ADD2: variants seen among roughly 807,000 people sequenced by gnomAD.
ADD2 encodes the protein beta-adducin.
In ADD2, 23 loss-of-function variants were observed where a neutral mutation model predicts 83.0. The observed-to-expected ratio is 0.28, with a 90% CI of 0.20 to 0.39. The LOEUF is 0.39. Ranked by LOEUF, ADD2 falls within the 10% of genes least tolerant of loss-of-function variation. The pLI is 1.00. For missense variants in ADD2, 758 were observed against 944.9 expected, an observed-to-expected ratio of 0.80 and a Z score of 2.59; for synonymous variants, 375 against 375.4, an observed-to-expected ratio of 1.00 and a Z score of 0.01.
chr2:70,706,494 T>G lies in ADD2; in HGVS notation c.-34-52A>C. 1.4e-6 allele frequency: 2 copies of G among 1,473,888 alleles called. No homozygotes were observed. Among genetic ancestry groups the G allele is most frequent in the Non-Finnish European group, 1.8e-6 (2 of 1,097,510 alleles). 91.3% of individuals were successfully genotyped at this position (1,473,888 alleles called of 1,614,324 possible). ...GTCAGGTTGGTGCTCCCCATCGGGG[T>G]ACACGTTTCTCAGAGCACAGGGCTA... On this transcript the variant is annotated intron_variant, in intron 2 of 15. Transcript: ENST00000264436. This position sits in a 1 kb window ranked among gnomAD's most constrained non-coding sequence, Gnocchi z 5.0.
At chr2:70,764,743 C>T (rs1553385679) in intron 1 of ADD2, among the ~76,000 whole-genome samples, 1 of 151,754 alleles carries the variant, frequency 6.6e-6, no homozygotes, top group African/African-American at 2.4e-5. Flanking sequence ...ATGATCATGC[C>T]ACTGCATTCC....
Position 70,663,274 on chromosome 2 carries a change from G to A in ADD2, c.*151C>T. On this transcript the variant is annotated 3_prime_UTR_variant, in exon 16 of 16. Transcript: ENST00000264436. The stretch of plus-strand genomic sequence containing the variant: ...TTCTCTTGGGCAACTGTAAAACGAA[G>A]GGTTGGTCGGGTGATCTCTAAGTTC... 1 of 878,180 alleles carries A rather than the reference G, an allele frequency of 1.1e-6. No individual in the cohort carries two copies. The highest frequency in any genetic ancestry group is 1.7e-6 in the Non-Finnish European group (1 of 574,588). The allele number at this position is 878,180 out of a possible 1,614,324, so 54.4% of individuals were successfully genotyped here.
At position 70,674,837 on chromosome 2, in the gene ADD2, CCA is replaced by C. The variant is rs782398719; in HGVS notation, c.1594-14_1594-13del. ...TGGCTCTCTGTAGACTGAAAGTTAA[CCA>C]CAGAGGGTGTGTCGCTCTCTGAACG... On this transcript the variant is annotated splice_polypyrimidine_tract_variant and intron_variant, in intron 13 of 15. Coordinates refer to ENST00000264436, the MANE Select transcript of ADD2 (RefSeq NM_001617.4). 6.2e-7 allele frequency: 1 copy of C among 1,611,860 alleles called. No individual in the cohort carries two copies. Among genetic ancestry groups the C allele is most frequent in the Admixed American group, 1.7e-5 (1 of 59,620 alleles).
At chr2:70,726,050 A>G (rs1032909787) in intron 1 of ADD2, among the ~76,000 whole-genome samples, 1 of 151,770 alleles carries the variant, frequency 6.6e-6, no homozygotes, top group South Asian at 2.1e-4. Flanking sequence ...AGCCGGGCGT[A>G]GTGGCAGGCG....
At chr2:70,723,316 T>C (rs567098083) in intron 1 of ADD2, among the ~76,000 whole-genome samples, 1 of 152,228 alleles carries the variant, frequency 6.6e-6, no homozygotes, top group African/African-American at 2.4e-5. Context: ...GCCCAACAAA[T>C]AGTAAGGACT....
intron 9 of ADD2, among the ~76,000 whole-genome samples, chr2:70,685,696 G>T (rs906722196): frequency 2.0e-5 from 3 of 152,184 alleles, no homozygotes; most frequent in Non-Finnish European, 1.5e-5. Context: ...GGTACATATG[G>T]GGTGAAGTAT....
chr2:70,678,564 A>G (rs1670294158), intron 11 of ADD2, 140 bp downstream of exon 11: 2 of 1,244,862 alleles, frequency 1.6e-6, no homozygotes, highest in Non-Finnish European at 2.1e-6. Flanking sequence ...AGCTGCTCCC[A>G]GAGGCCTAAT....
intron 1 of ADD2, among the ~76,000 whole-genome samples, chr2:70,760,400 T>C (rs1343274512): frequency 6.6e-6 from 1 of 152,134 alleles, no homozygotes; most frequent in African/African-American, 2.4e-5. Flanking sequence ...CCAAGCAAAG[T>C]AGGGCTCCAA....
intron 1 of ADD2, among the ~76,000 whole-genome samples, chr2:70,752,919 G>A (rs1443204914): frequency 1.3e-5 from 2 of 152,222 alleles, no homozygotes; most frequent in African/African-American, 2.4e-5. Context: ...GGATCCCCAG[G>A]TGATCAGTGT....
intron 9 of ADD2, among the ~76,000 whole-genome samples, chr2:70,684,317 G>A (rs1212746458): frequency 6.6e-6 from 1 of 151,994 alleles, no homozygotes; most frequent in African/African-American, 2.4e-5. Flanking sequence ...GCACAATCTC[G>A]GATCACTGCA....
chr2:70,739,789 A>G (rs1395497536), intron 1 of ADD2, among the ~76,000 whole-genome samples: 2 of 152,268 alleles, frequency 1.3e-5, no homozygotes, highest in African/African-American at 4.8e-5. Context: ...CAAATACTGC[A>G]TGTTCTCACT....
chr2:70,731,034 C>A (rs12621522), intron 1 of ADD2, among the ~76,000 whole-genome samples: 2 of 151,976 alleles, frequency 1.3e-5, no homozygotes, highest in African/African-American at 2.4e-5. Context: ...TACATCAATG[C>A]GGCCAAATGA....
In ADD2 at chr2:70,704,366, A is replaced by C. The variant is rs782100048; in HGVS notation, c.277T>G (p.Phe93Val). The C allele has an allele frequency of 1.2e-6, 2 of 1,613,664 alleles. No homozygotes were observed. Among genetic ancestry groups the C allele is most frequent in the Non-Finnish European group, 1.7e-6 (2 of 1,179,900 alleles). The change falls in exon 4 of 16, where the codon TTC becomes GTC. Residue 93 changes from phenylalanine (F) to valine (V), a missense_variant. Phe to Val is a conservative substitution (Grantham distance 50, BLOSUM62 -1). Coordinates refer to ENST00000264436, the MANE Select transcript of ADD2 (RefSeq NM_001617.4). ...NIWALRQIAD[F>V]MASTSHAVFP... ...ACTGCGTGGGAGGTGCTGGCCATGAAGTCCGCGATCTGTCGCAGGGCCCAG... is the reference window on the plus strand; with the variant it reads ...ACTGCGTGGGAGGTGCTGGCCATGACGTCCGCGATCTGTCGCAGGGCCCAG...
intron 4 of ADD2, among the ~76,000 whole-genome samples, chr2:70,700,291 C>T (rs1320299719): frequency 1.3e-5 from 2 of 152,048 alleles, no homozygotes; most frequent in African/African-American, 4.8e-5. Context: ...ATGCTATTAG[C>T]AAACCTTTAA....
intron 1 of ADD2, among the ~76,000 whole-genome samples, chr2:70,755,611 C>T (rs1423907499): frequency 6.6e-6 from 1 of 152,162 alleles, no homozygotes; most frequent in Non-Finnish European, 1.5e-5. Flanking sequence ...TTGAACGATA[C>T]ACTTACCTAC....
At chr2:70,761,889 C>CT in intron 1 of ADD2, among the ~76,000 whole-genome samples, 1 of 151,334 alleles carries the variant, frequency 6.6e-6, no homozygotes, top group Non-Finnish European at 1.5e-5. Flanking sequence ...GCCAGGATGG[C>CT]CGATCTCCTG....
chr2:70,665,445 C>T (rs1300126935), intron 15 of ADD2, among the ~76,000 whole-genome samples: 3 of 152,198 alleles, frequency 2.0e-5, no homozygotes, highest in Non-Finnish European at 4.4e-5. Context: ...CATCCAGTGT[C>T]CCATCCCGTC....
At chr2:70,750,825 C>A (rs1449397050) in intron 1 of ADD2, among the ~76,000 whole-genome samples, 3 of 152,162 alleles carry the variant, frequency 2.0e-5, no homozygotes, top group African/African-American at 7.2e-5. Flanking sequence ...AGCATTATAA[C>A]CATGTCTAAA....
chr2:70,660,662 C>T lies in ADD2; in HGVS notation c.*2763G>A, dbSNP rs919461703. 4.6e-5 allele frequency: 7 copies of T among 152,268 alleles called. No homozygotes were observed. The highest frequency in any genetic ancestry group is 1.4e-4 in the African/African-American group (6 of 41,446). 9.4% of individuals were successfully genotyped at this position (152,268 alleles called of 1,614,324 possible). On this transcript the variant is annotated 3_prime_UTR_variant, in exon 16 of 16. Transcript: ENST00000264436. ...AGGGACCCCTCAACCCCTGAGCTTC[C>T]ACATCATGCTCTGGCAATGCCACGT...
Sources: allele counts gnomAD v4.1 joint callset (sites outside exome capture counted in the v4.1 genomes callset), GRCh38; gene constraint gnomAD v4.1.1; non-coding constraint Gnocchi (gnomAD v3.1); transcripts MANE v1.5; gene names NCBI Gene and HGNC (gene_info 2026-07-23, HGNC 2026-07-21).